The following HTR2C variants were observed in gnomAD, a reference collection of about 807,000 sequenced individuals.
HTR2C encodes 5-hydroxytryptamine (serotonin) receptor 2C, G protein-coupled.
A neutral mutation model predicts 21.0 loss-of-function variants in HTR2C; 5 were observed. That is an observed-to-expected ratio of 0.24 (90% CI 0.12 to 0.50). The LOEUF (loss-of-function observed/expected upper bound fraction) is 0.50, where lower values mean the gene tolerates loss of function less well. Ranked by LOEUF, HTR2C falls within the 20% of genes least tolerant of loss-of-function variation. The pLI, the probability that HTR2C is intolerant of heterozygous loss-of-function variation, is 0.98. For synonymous variants in HTR2C, 150 were observed against 145.3 expected (o/e 1.03, Z -0.23); for missense variants, 271 against 371.2 (o/e 0.73, Z 2.22).
At chrX:114,659,290 C>T (rs1930899521) in intron 2 of HTR2C, among the ~76,000 whole-genome samples, 1 of 110,938 alleles carries the variant, frequency 9.0e-6, no homozygotes, top group African/African-American at 3.3e-5. Flanking sequence ...ACAGACAAAC[C>T]ATATCAATTA....
chrX:114,740,490 T>C (rs1275429462), intron 4 of HTR2C, among the ~76,000 whole-genome samples: 2 of 111,706 alleles, frequency 1.8e-5, no homozygotes, highest in East Asian at 2.8e-4. Context: ...TAAACGTGTG[T>C]TAATAGCAAC....
chrX:114,864,829 G>A (rs782225227), intron 5 of HTR2C, among the ~76,000 whole-genome samples: 7 of 110,118 alleles, frequency 6.4e-5, no homozygotes, highest in African/African-American at 2.0e-4. Flanking sequence ...CAGCATTGCT[G>A]TATAGAGTAT....
chrX:114,793,154 T>C (rs1459318346), intron 4 of HTR2C, among the ~76,000 whole-genome samples: 2 of 111,542 alleles, frequency 1.8e-5, no homozygotes, highest in African/African-American at 6.5e-5. Flanking sequence ...TTTTTGCTTT[T>C]GTTGCAGTTG....
chrX:114,647,991 AATTT>A (rs1216799025), intron 2 of HTR2C, among the ~76,000 whole-genome samples: 2 of 112,568 alleles, frequency 1.8e-5, no homozygotes, highest in African/African-American at 6.5e-5. Flanking sequence ...AAAGCATACA[AATTT>A]ATTTAATATA....
At chrX:114,754,705 A>T (rs1328579770) in intron 4 of HTR2C, among the ~76,000 whole-genome samples, 1 of 111,368 alleles carries the variant, frequency 9.0e-6, no homozygotes, top group African/African-American at 3.3e-5. Flanking sequence ...AATTTTCAGA[A>T]TCTAGGGCTT....
At chrX:114,788,757 T>A (rs1214940957) in intron 4 of HTR2C, among the ~76,000 whole-genome samples, 4 of 110,750 alleles carry the variant, frequency 3.6e-5, no homozygotes, top group African/African-American at 1.3e-4. Flanking sequence ...CAAGTGATCC[T>A]CCCACCTCAG....
At chrX:114,608,822 AT>A (rs1169821922) in intron 1 of HTR2C, among the ~76,000 whole-genome samples, 1 of 111,321 alleles carries the variant, frequency 9.0e-6, no homozygotes, top group Admixed American at 9.6e-5. Flanking sequence ...CATTTCTTTC[AT>A]TTTTTTTCCA....
chrX:114,883,258 A>T (rs1305421358), intron 5 of HTR2C, among the ~76,000 whole-genome samples: 1 of 110,471 alleles, frequency 9.1e-6, no homozygotes, highest in Non-Finnish European at 1.9e-5. Context: ...TCTGTCTGTC[A>T]TCTATCTACC....
At chrX:114,657,869 T>A (rs1376668030) in intron 2 of HTR2C, among the ~76,000 whole-genome samples, 1 of 111,231 alleles carries the variant, frequency 9.0e-6, no homozygotes, top group Non-Finnish European at 1.9e-5. Context: ...TTGTTGTTGT[T>A]TTTCTGTGTC....
chrX:114,628,037 G>A (rs933885318), intron 2 of HTR2C, among the ~76,000 whole-genome samples: 5 of 111,669 alleles, frequency 4.5e-5, no homozygotes, highest in African/African-American at 1.6e-4. Flanking sequence ...AATTAGACAT[G>A]ACCTATAATA....
chrX:114,871,147 A>G (rs1429447636), intron 5 of HTR2C, among the ~76,000 whole-genome samples: 1 of 110,871 alleles, frequency 9.0e-6, no homozygotes, highest in Non-Finnish European at 1.9e-5. Flanking sequence ...TGTTTCAAGA[A>G]ATTTTTCAAT....
At chrX:114,627,285 C>T (rs1334093680) in intron 2 of HTR2C, among the ~76,000 whole-genome samples, 2 of 110,767 alleles carry the variant, frequency 1.8e-5, no homozygotes, top group Admixed American at 1.9e-4. Context: ...CAATGAATTT[C>T]ATCTTTTTCC....
intron 1 of HTR2C, among the ~76,000 whole-genome samples, chrX:114,595,775 A>G (rs1367173246): frequency 9.5e-6 from 1 of 105,255 alleles, no homozygotes; most frequent in Non-Finnish European, 1.9e-5. Flanking sequence ...AAATAACAAT[A>G]GACTGACTAA....
intron 5 of HTR2C, among the ~76,000 whole-genome samples, chrX:114,883,513 T>C (rs1462355142): frequency 9.1e-6 from 1 of 110,466 alleles, no homozygotes; most frequent in African/African-American, 3.3e-5. Flanking sequence ...GAAGCTCAGG[T>C]TATTGACTTG....
At chrX:114,798,518 C>G (rs2070316177) in intron 4 of HTR2C, among the ~76,000 whole-genome samples, 1 of 111,465 alleles carries the variant, frequency 9.0e-6, no homozygotes, top group Non-Finnish European at 1.9e-5. Flanking sequence ...GCTTTAATGT[C>G]TAAAGTGTTC....
chrX:114,596,879 T>C (rs191488811), intron 1 of HTR2C, among the ~76,000 whole-genome samples: 1 of 111,546 alleles, frequency 9.0e-6, no homozygotes. Flanking sequence ...TTGATCTGTC[T>C]GAGTAATCGT....
At chrX:114,790,732 A>G (rs782463282) in intron 4 of HTR2C, among the ~76,000 whole-genome samples, 2 of 112,237 alleles carry the variant, frequency 1.8e-5, no homozygotes, top group Admixed American at 1.9e-4. Context: ...TTAACTTCCA[A>G]CAATATATTA....
At chrX:114,755,547 A>G (rs1286776392) in intron 4 of HTR2C, among the ~76,000 whole-genome samples, 1 of 111,104 alleles carries the variant, frequency 9.0e-6, no homozygotes, top group African/African-American at 3.3e-5. Flanking sequence ...GCCCACCTAC[A>G]TCATCCAGAA....
At chrX:114,611,684 G>A (rs1293568044) in intron 1 of HTR2C, among the ~76,000 whole-genome samples, 2 of 111,134 alleles carry the variant, frequency 1.8e-5, no homozygotes, top group Non-Finnish European at 3.8e-5. Context: ...AAACAGCAAA[G>A]TTGTGGTTTT....
Sources: gnomAD v4.1 joint callset for allele counts (sites outside exome capture counted in the v4.1 genomes callset) on GRCh38, gnomAD v4.1.1 for gene constraint, MANE v1.5 for transcripts, NCBI Gene and HGNC (gene_info 2026-07-23, HGNC 2026-07-21) for gene names.